The following ARL15 variants were observed in gnomAD, a reference collection of about 807,000 sequenced individuals.
ARL15 encodes ARF like GTPase 15.
Under a neutral mutation model 25.2 loss-of-function variants are expected in ARL15, and 19 were observed. The observed-to-expected ratio is 0.75, with a 90% CI of 0.53 to 1.10. ARL15 has a LOEUF of 1.10. Among genes scored for constraint, ARL15 ranks in the 50% least tolerant of loss-of-function variants. The probability of loss-of-function intolerance (pLI) is 0.00; values close to 1 mark genes in which losing one functional copy is unlikely to be tolerated. For missense variants in ARL15, 220 were observed against 246.0 expected, an observed-to-expected ratio of 0.89 and a Z score of 0.71; for synonymous variants, 94 against 86.8, an observed-to-expected ratio of 1.08 and a Z score of -0.46.
chr5:54,242,072 G>C (rs1234786663), intron 1 of ARL15, among the ~76,000 whole-genome samples: 1 of 152,038 alleles, frequency 6.6e-6, no homozygotes, highest in Non-Finnish European at 1.5e-5. Flanking sequence ...GTCCTTACCT[G>C]CCTCGATTAG....
chr5:54,140,467 G>GAT (rs925844849), intron 3 of ARL15, among the ~76,000 whole-genome samples: 14 of 139,248 alleles, frequency 1.0e-4, no homozygotes, highest in Non-Finnish European at 1.7e-4. Context: ...TAGATAGATA[G>GAT]AGATAGAGAT....
intron 4 of ARL15, among the ~76,000 whole-genome samples, chr5:54,070,391 CAA>C (rs942784473): frequency 1.4e-5 from 2 of 143,068 alleles, no homozygotes. Context: ...GACTCCGTCT[CAA>C]AAAAAAAAAA....
At chr5:54,082,531 G>GT (rs926531251) in intron 4 of ARL15, among the ~76,000 whole-genome samples, 1 of 152,088 alleles carries the variant, frequency 6.6e-6, no homozygotes, top group Non-Finnish European at 1.5e-5. Context: ...TCATGAAAAA[G>GT]TATCTCTTGT....
chr5:54,028,042 TC>T (rs1184611928), intron 4 of ARL15, among the ~76,000 whole-genome samples: 1 of 151,938 alleles, frequency 6.6e-6, no homozygotes, highest in Non-Finnish European at 1.5e-5. Flanking sequence ...TGCCTCAGCC[TC>T]CCTAGTAGGT....
intron 3 of ARL15, among the ~76,000 whole-genome samples, chr5:54,114,985 G>A (rs1752856995): frequency 6.6e-6 from 1 of 152,174 alleles, no homozygotes; most frequent in African/African-American, 2.4e-5. Context: ...AAACAGTGGG[G>A]ACTGCAGTTG....
At chr5:54,057,431 C>G (rs1037306348) in intron 4 of ARL15, among the ~76,000 whole-genome samples, 3 of 152,210 alleles carry the variant, frequency 2.0e-5, no homozygotes, top group African/African-American at 4.8e-5. Context: ...AACTGTGCCA[C>G]TGTTTAAAAA....
intron 1 of ARL15, among the ~76,000 whole-genome samples, chr5:54,195,090 A>T (rs1755513918): frequency 6.6e-6 from 1 of 152,124 alleles, no homozygotes. Flanking sequence ...CTTATTTCTC[A>T]AGGCCCAAGG....
chr5:53,938,962 G>A (rs1452439771), intron 4 of ARL15, among the ~76,000 whole-genome samples: 1 of 152,306 alleles, frequency 6.6e-6, no homozygotes, highest in Admixed American at 6.5e-5. Flanking sequence ...ATAAAATTAC[G>A]CTAAAATCCT....
intron 1 of ARL15, among the ~76,000 whole-genome samples, chr5:54,174,887 AACTAGTC>A (rs1460337455): frequency 6.6e-6 from 1 of 152,194 alleles, no homozygotes; most frequent in Non-Finnish European, 1.5e-5. Context: ...CAGACAACAA[AACTAGTC>A]ACACAGTTTC....
chr5:54,291,263 T>C (rs907998283), intron 1 of ARL15, among the ~76,000 whole-genome samples: 4 of 152,204 alleles, frequency 2.6e-5, no homozygotes, highest in Non-Finnish European at 5.9e-5. Context: ...AGAGAACAGA[T>C]AATCCTTGGT....
intron 1 of ARL15, among the ~76,000 whole-genome samples, chr5:54,183,184 A>C (rs1755114597): frequency 1.1e-5 from 1 of 88,736 alleles, no homozygotes; most frequent in African/African-American, 3.8e-5. Flanking sequence ...TTCCAACACT[A>C]TGTTGAATAG....
intron 3 of ARL15, among the ~76,000 whole-genome samples, chr5:54,122,985 A>G (rs1753128896): frequency 6.6e-6 from 1 of 152,320 alleles, no homozygotes; most frequent in Admixed American, 6.5e-5. Context: ...TTTATTGATT[A>G]AGTTAATTAA....
chr5:54,030,421 T>G (rs563043969), intron 4 of ARL15, among the ~76,000 whole-genome samples: 1 of 152,208 alleles, frequency 6.6e-6, no homozygotes, highest in Non-Finnish European at 1.5e-5. Flanking sequence ...TGGAAGGACA[T>G]AAGATCAGAA....
rs148117946 is a variant in ARL15, at chr5:53,903,456, C to G, written c.463-16743G>C. 3.5e-3 allele frequency among the ~76,000 whole-genome samples: 533 copies of G among 152,222 alleles called. 6 individuals carry two copies. Among genetic ancestry groups the G allele is most frequent in the African/African-American group, 0.012 (517 of 41,550 alleles). ...GTGGGTAGAGGCCAGGGAGATGTGGCTAACATCCTCCAATGCATAGGGCAG... is the reference window on the plus strand; with the variant it reads ...GTGGGTAGAGGCCAGGGAGATGTGGGTAACATCCTCCAATGCATAGGGCAG... On this transcript the variant is annotated intron_variant, in intron 4 of 4. Transcript: ENST00000504924.
rs145857224 is a variant in ARL15 at position 54,148,040 on chromosome 5, T to C, written c.253+6540A>G. On this transcript the variant is annotated intron_variant, in intron 3 of 4. Coordinates refer to ENST00000504924, the MANE Select transcript of ARL15 (RefSeq NM_019087.3). The stretch of plus-strand genomic sequence containing the variant: ...ACTGTGAAAATGCGTAAGATAAAAA[T>C]TAAAGAAGTCTTCTTTCCTCTAAAG... Among the ~76,000 whole-genome samples, 248 of 152,200 alleles carry C rather than the reference T, an allele frequency of 1.6e-3. 2 individuals carry two copies. The highest frequency in any genetic ancestry group is 8.1e-3 in the Admixed American group (124 of 15,286).
chr5:54,176,164 T>C (rs1754865154), intron 1 of ARL15, among the ~76,000 whole-genome samples: 1 of 152,148 alleles, frequency 6.6e-6, no homozygotes, highest in East Asian at 1.9e-4. Context: ...AACCACAGGC[T>C]GTGGAAATAA....
intron 2 of ARL15, among the ~76,000 whole-genome samples, chr5:54,164,393 T>C (rs919102685): frequency 6.6e-6 from 1 of 152,038 alleles, no homozygotes; most frequent in African/African-American, 2.4e-5. Flanking sequence ...TAGCTGTTAG[T>C]GTTGTTGAAG....
chr5:53,968,130 G>A (rs978413186), intron 4 of ARL15, among the ~76,000 whole-genome samples: 6 of 152,210 alleles, frequency 3.9e-5, no homozygotes, highest in Admixed American at 6.5e-5. Context: ...TTCTGGTTTC[G>A]TCTCTTTAAT....
chr5:54,022,814 C>T (rs1749650440), intron 4 of ARL15, among the ~76,000 whole-genome samples: 2 of 152,156 alleles, frequency 1.3e-5, no homozygotes, highest in Admixed American at 6.5e-5. Flanking sequence ...ATTCCAGAGA[C>T]TCAAATTATT....
Sources: allele counts gnomAD v4.1 joint callset (sites outside exome capture counted in the v4.1 genomes callset), GRCh38; gene constraint gnomAD v4.1.1; transcripts MANE v1.5; gene names NCBI Gene and HGNC (gene_info 2026-07-23, HGNC 2026-07-21).